ROBO2: variants seen among roughly 807,000 people sequenced by gnomAD.
ROBO2 encodes the protein roundabout homolog 2.
ROBO2 carries 53 observed loss-of-function variants against 160.8 expected under a neutral mutation model. That is an observed-to-expected ratio of 0.33 (90% CI 0.26 to 0.41). The LOEUF (loss-of-function observed/expected upper bound fraction) is 0.41. Among genes scored for constraint, ROBO2 ranks in the 10% least tolerant of loss-of-function variants. The probability of loss-of-function intolerance (pLI) is 1.00; values close to 1 mark genes in which losing one functional copy is unlikely to be tolerated. For synonymous variants in ROBO2, 664 were observed against 611.7 expected (o/e 1.09, Z -1.26); for missense variants, 1,577 against 1,722.4 (o/e 0.92, Z 1.49).
At chr3:76,244,996 T>C (rs2107529227) in intron 2 of ROBO2, among the ~76,000 whole-genome samples, 1 of 152,308 alleles carries the variant, frequency 6.6e-6, no homozygotes, top group African/African-American at 2.4e-5. Flanking sequence ...GTTTTGAAAT[T>C]GGCTTACAAA....
intron 1 of ROBO2, among the ~76,000 whole-genome samples, chr3:77,067,813 A>G (rs983359366): frequency 2.6e-5 from 4 of 152,280 alleles, no homozygotes; most frequent in Non-Finnish European, 2.9e-5. Flanking sequence ...AATGCGCCCT[A>G]TATGTACTGT....
intron 2 of ROBO2, among the ~76,000 whole-genome samples, chr3:77,325,833 G>T (rs183023295): frequency 6.6e-6 from 1 of 151,982 alleles, no homozygotes; most frequent in African/African-American, 2.4e-5. Context: ...GTATTATTTT[G>T]ATCCTCATTT....
At chr3:77,562,273 T>A (rs1015471415) in intron 9 of ROBO2, among the ~76,000 whole-genome samples, 1 of 152,134 alleles carries the variant, frequency 6.6e-6, no homozygotes, top group African/African-American at 2.4e-5. Context: ...TCTGGAATTT[T>A]GTGAGATTCT....
At chr3:76,894,778 G>A (rs1210606815) in intron 2 of ROBO2, among the ~76,000 whole-genome samples, 1 of 152,046 alleles carries the variant, frequency 6.6e-6, no homozygotes, top group Non-Finnish European at 1.5e-5. Context: ...GAGAAAACAT[G>A]TTTATCTAAC....
At chr3:76,648,074 T>A (rs894147667) in intron 2 of ROBO2, among the ~76,000 whole-genome samples, 38 of 152,164 alleles carry the variant, frequency 2.5e-4, no homozygotes, top group African/African-American at 6.3e-4. Context: ...TTCTTTTTTT[T>A]AAAATTCTCA....
At chr3:76,870,145 G>A (rs2148671441) in intron 2 of ROBO2, among the ~76,000 whole-genome samples, 1 of 152,198 alleles carries the variant, frequency 6.6e-6, no homozygotes, top group African/African-American at 2.4e-5. Context: ...GCAAATTTTT[G>A]CAACTTTGGC....
At chr3:76,460,937 A>C (rs937361410) in intron 2 of ROBO2, among the ~76,000 whole-genome samples, 2 of 152,226 alleles carry the variant, frequency 1.3e-5, no homozygotes, top group African/African-American at 2.4e-5. Context: ...AACTATGGAA[A>C]AGAATAGACA....
chr3:76,425,793 T>C (rs2076200476), intron 2 of ROBO2, among the ~76,000 whole-genome samples: 1 of 150,912 alleles, frequency 6.6e-6, no homozygotes, highest in Admixed American at 6.7e-5. Context: ...CCCTCACGTG[T>C]TCTTTGAAAG....
chr3:76,058,589 CTTTTTT>C (rs10676074), intron 2 of ROBO2, among the ~76,000 whole-genome samples: 30 of 48,862 alleles, frequency 6.1e-4, no homozygotes, highest in African/African-American at 2.8e-3. Flanking sequence ...ACAGCAGAAA[CTTTTTT>C]TTTTTTTTTT....
At chr3:77,223,413 A>G (rs1308410388) in intron 2 of ROBO2, among the ~76,000 whole-genome samples, 1 of 152,122 alleles carries the variant, frequency 6.6e-6, no homozygotes, top group Non-Finnish European at 1.5e-5. Context: ...AAACAGGCGC[A>G]ATAAACATTT....
chr3:76,410,660 T>C (rs1356725747), intron 2 of ROBO2, among the ~76,000 whole-genome samples: 2 of 152,142 alleles, frequency 1.3e-5, no homozygotes, highest in Non-Finnish European at 2.9e-5. Flanking sequence ...GAACACCCGA[T>C]TATGTAGAAG....
At chr3:75,920,645 A>G (rs1418803555) in intron 1 of ROBO2, among the ~76,000 whole-genome samples, 1 of 152,072 alleles carries the variant, frequency 6.6e-6, no homozygotes, top group Non-Finnish European at 1.5e-5. Context: ...GTTTCCCACT[A>G]TTATTGTGTG....
intron 2 of ROBO2, among the ~76,000 whole-genome samples, chr3:76,862,197 T>C (rs71322773): frequency 0.066 from 9,999 of 152,176 alleles, 344 homozygotes; most frequent in East Asian, 0.11. Flanking sequence ...ATATACATTC[T>C]CTTACATCTT....
Position 77,326,800 on chromosome 3 carries a change from A to G in ROBO2, c.389-150614A>G, listed in dbSNP as rs1401926840. ...AGCGCTTCTTCAGGGATAAGAACTAACACAACACAAGCTAATTCCTCCAAA... is the reference window on the plus strand; with the variant it reads ...AGCGCTTCTTCAGGGATAAGAACTAGCACAACACAAGCTAATTCCTCCAAA... On this transcript the variant is annotated intron_variant, in intron 2 of 25. Coordinates refer to ENST00000461745, the Ensembl canonical transcript of ROBO2. 6.6e-5 allele frequency among the ~76,000 whole-genome samples: 10 copies of G among 152,322 alleles called. No individual in the cohort carries two copies. In the East Asian group the frequency reaches 1.9e-3, roughly 29 times the overall value.
intron 4 of ROBO2, among the ~76,000 whole-genome samples, chr3:77,491,407 C>T (rs566178848): frequency 2.0e-5 from 3 of 152,216 alleles, no homozygotes; most frequent in Non-Finnish European, 4.4e-5. Flanking sequence ...TGAATAGCTG[C>T]GCCTGATAGC....
intron 2 of ROBO2, among the ~76,000 whole-genome samples, chr3:76,428,768 T>G: frequency 6.6e-6 from 1 of 152,318 alleles, no homozygotes; most frequent in Admixed American, 6.5e-5. Context: ...ATTAATATTC[T>G]TTTGAGTTGA....
chr3:76,581,211 T>C (rs987565541), intron 2 of ROBO2, among the ~76,000 whole-genome samples: 2 of 152,126 alleles, frequency 1.3e-5, no homozygotes, highest in Non-Finnish European at 2.9e-5. Flanking sequence ...ATTTGTATAG[T>C]ATAAGTTTGT....
rs542280937 is a variant in ROBO2 at position 77,090,323 on chromosome 3, C to CTTTTTTTTTTTTTTT, written c.62-7657_62-7643dup. Among the ~76,000 whole-genome samples the CTTTTTTTTTTTTTTT allele has an allele frequency of 2.8e-5, 2 of 70,748 alleles. 1 individual carries two copies. Among genetic ancestry groups the CTTTTTTTTTTTTTTT allele is most frequent in the Non-Finnish European group, 5.4e-5 (2 of 36,752 alleles). The allele number at this position is 70,748 out of a possible 152,430, so 46.4% of individuals were successfully genotyped here. On this transcript the variant is annotated intron_variant, in intron 1 of 25. Coordinates refer to ENST00000461745, the Ensembl canonical transcript of ROBO2. ...ATTTCTTTTAATCTTCTAAACCACTCTTTTTTTTTTTTTTTTTTTTTTTTT... is the reference window on the plus strand; with the variant it reads ...ATTTCTTTTAATCTTCTAAACCACTCTTTTTTTTTTTTTTTTTTTTTTTTTTTTTTTTTTTTTTTT...
intron 2 of ROBO2, among the ~76,000 whole-genome samples, chr3:76,848,672 ACCT>A (rs1201290995): frequency 6.6e-6 from 1 of 152,128 alleles, no homozygotes; most frequent in Non-Finnish European, 1.5e-5. Flanking sequence ...TCCTGATGTC[ACCT>A]CCTTGCTGTG....
Sources: allele counts gnomAD v4.1 joint callset (sites outside exome capture counted in the v4.1 genomes callset), GRCh38; gene constraint gnomAD v4.1.1; transcripts MANE v1.5; gene names NCBI Gene and HGNC (gene_info 2026-07-23, HGNC 2026-07-21).